Variants in PIK3CB observed in about 807,000 individuals in gnomAD.
PIK3CB encodes the protein phosphatidylinositol-4,5-bisphosphate 3-kinase catalytic subunit beta.
A neutral mutation model predicts 136.8 loss-of-function variants in PIK3CB; 39 were observed. The ratio of observed to expected loss-of-function variants is 0.29; its 90% CI spans 0.22 to 0.37. The LOEUF (loss-of-function observed/expected upper bound fraction) is 0.37. Ranked by LOEUF, PIK3CB falls within the 10% of genes least tolerant of loss-of-function variation. The pLI, the probability that PIK3CB is intolerant of heterozygous loss-of-function variation, is 1.00. For missense variants in PIK3CB, 868 were observed against 1,275.4 expected, an observed-to-expected ratio of 0.68 and a Z score of 4.87; for synonymous variants, 428 against 436.6, an observed-to-expected ratio of 0.98 and a Z score of 0.25.
intron 14 of PIK3CB, among the ~76,000 whole-genome samples, chr3:138,694,159 C>T (rs1326310621): frequency 2.6e-5 from 4 of 151,310 alleles, no homozygotes; most frequent in South Asian, 2.1e-4. Context: ...ATTCCCACCA[C>T]CCTCCCTAAT....
chr3:138,691,062 T>G lies in PIK3CB; in HGVS notation c.1974A>C (p.Arg658Ser). The stretch of plus-strand genomic sequence containing the variant: ...TACCAAGTGCTCTTTCTAATAGGAA[T>G]CTAGAGAGGGCACAATCAAGAAAAG... ...YEPFLDCALSRFLLERALGNR... is the reference protein window; with the variant it reads ...YEPFLDCALSSFLLERALGNR... The change falls in exon 15 of 24, where the codon AGA becomes AGC. Residue 658 changes from arginine to serine, a missense_variant. By Grantham distance (110) the Arg-to-Ser change is moderately radical. Around this residue, in one of 4 missense-constraint regions of PIK3CB, gnomAD observed 612 missense variants for 801.1 expected, o/e 0.76. Transcript: ENST00000674063. The G allele has an allele frequency of 6.2e-7, 1 of 1,611,754 alleles. No individual in the cohort carries two copies. The highest frequency in any genetic ancestry group is 8.5e-7 in the Non-Finnish European group (1 of 1,177,898).
At chr3:138,734,959 T>A (rs1345420125) in intron 6 of PIK3CB, among the ~76,000 whole-genome samples, 155 bp from the exon 7 acceptor site, 3 of 150,668 alleles carry the variant, frequency 2.0e-5, no homozygotes, top group Non-Finnish European at 4.4e-5. Context: ...AAAATTTTTT[T>A]TTTTTTTTTT....
At chr3:138,701,213 TAA>T (rs563918379) in intron 12 of PIK3CB, among the ~76,000 whole-genome samples, 1 of 135,850 alleles carries the variant, frequency 7.4e-6, no homozygotes, top group African/African-American at 2.7e-5. Context: ...CATTAAAGAT[TAA>T]AAAAAAAAAA....
chr3:138,708,499 G>T (rs887794687), intron 10 of PIK3CB, among the ~76,000 whole-genome samples: 1 of 151,594 alleles, frequency 6.6e-6, no homozygotes, highest in African/African-American at 2.4e-5. Context: ...GAGCTCAAGA[G>T]ATCCACCCAA....
intron 13 of PIK3CB, among the ~76,000 whole-genome samples, chr3:138,696,212 T>C (rs2044135128): frequency 6.6e-6 from 1 of 151,106 alleles, no homozygotes; most frequent in Admixed American, 6.6e-5. Context: ...AGATAGGGTC[T>C]CATTCTGTTG....
intron 8 of PIK3CB, among the ~76,000 whole-genome samples, chr3:138,717,453 C>A (rs1423259778): frequency 2.0e-5 from 3 of 151,824 alleles, no homozygotes; most frequent in Non-Finnish European, 4.4e-5. Flanking sequence ...ACCCTATATA[C>A]AGACATAACA....
chr3:138,747,088 A>G (rs1313032964), intron 4 of PIK3CB, among the ~76,000 whole-genome samples: 1 of 82,932 alleles, frequency 1.2e-5, no homozygotes, highest in Non-Finnish European at 2.4e-5. Context: ...ATATATATAT[A>G]TATATATATA....
chr3:138,736,465 C>G (rs1351554359), intron 6 of PIK3CB, among the ~76,000 whole-genome samples: 1 of 152,174 alleles, frequency 6.6e-6, no homozygotes, highest in Non-Finnish European at 1.5e-5. Context: ...CACAAAATAA[C>G]AAGACTTTCC....
intron 2 of PIK3CB, chr3:138,770,270 A>G (rs186947177): frequency 1.3e-5 from 2 of 152,356 alleles, no homozygotes; most frequent in African/African-American, 4.8e-5. Flanking sequence ...AAGGGGAAAG[A>G]GTTTAAAAGT....
chr3:138,755,863 T>C lies in PIK3CB; in HGVS notation c.288A>G (p.Thr96=). The change falls in exon 4 of 24, where the codon ACA becomes ACG. Residue 96 remains threonine (T), a synonymous_variant. Coordinates refer to ENST00000674063, the MANE Select transcript of PIK3CB (RefSeq NM_006219.3). ...TAVYEELEDE[T]RRLCDVRPFL... is the part of the protein sequence containing the mutation. ...AAGGTCTGACATCACAGAGTCTTCG[T>C]GTTTCATCTTCAAGCTCCTCATATA... 6.2e-7 allele frequency: 1 copy of C among 1,612,044 alleles called. No homozygotes were observed. Among genetic ancestry groups the C allele is most frequent in the Non-Finnish European group, 8.5e-7 (1 of 1,178,234 alleles).
At position 138,691,665 on chromosome 3, in the gene PIK3CB, C is replaced by T. The variant is rs185792014; in HGVS notation, c.1893-522G>A. ...TAATTTTAAGTTTTGTGAGGCCTCCCTAGCCATGTGGAACTGTGAGTCAAT... is the reference window on the plus strand; with the variant it reads ...TAATTTTAAGTTTTGTGAGGCCTCCTTAGCCATGTGGAACTGTGAGTCAAT... On this transcript the variant is annotated intron_variant, in intron 14 of 23. Transcript: ENST00000674063. 2.0e-5 allele frequency among the ~76,000 whole-genome samples: 3 copies of T among 152,272 alleles called. No homozygotes were observed. In the East Asian group the frequency reaches 5.8e-4, roughly 29 times the overall value.
chr3:138,785,333 A>T (rs1490223472), intron 2 of PIK3CB, among the ~76,000 whole-genome samples: 4 of 152,142 alleles, frequency 2.6e-5, no homozygotes, highest in Non-Finnish European at 5.9e-5. Context: ...CCAACAGCTC[A>T]TTGAGAACGG....
intron 2 of PIK3CB, among the ~76,000 whole-genome samples, chr3:138,767,157 G>C (rs2045742755): frequency 6.6e-6 from 1 of 152,090 alleles, no homozygotes; most frequent in African/African-American, 2.4e-5. Context: ...CTGGGTGACA[G>C]AGACTCTGTA....
chr3:138,745,979 G>A (rs1253618023), intron 4 of PIK3CB, among the ~76,000 whole-genome samples: 1 of 152,118 alleles, frequency 6.6e-6, no homozygotes, highest in African/African-American at 2.4e-5. Flanking sequence ...AGACAAGGCA[G>A]CTCACACCTA....
intron 19 of PIK3CB, among the ~76,000 whole-genome samples, chr3:138,672,570 A>G (rs2043555556): frequency 6.6e-6 from 1 of 152,254 alleles, no homozygotes; most frequent in Admixed American, 6.5e-5. Context: ...TCACGCAGAT[A>G]AATGAAAAAG....
intron 1 of PIK3CB, among the ~76,000 whole-genome samples, chr3:138,817,294 G>C: frequency 6.6e-6 from 1 of 151,870 alleles, no homozygotes. Context: ...AGCCGAGATC[G>C]TGCCACTGCA....
chr3:138,701,775 ACT>A (rs2044258390), intron 12 of PIK3CB, among the ~76,000 whole-genome samples: 1 of 142,136 alleles, frequency 7.0e-6, no homozygotes, highest in South Asian at 2.2e-4. Flanking sequence ...ACAGAGTGAG[ACT>A]CTGTCTCAAA....
At chr3:138,700,692 A>AAGATAGATAGATAGATAGACAGAT (rs1218565872) in intron 12 of PIK3CB, among the ~76,000 whole-genome samples, 30 of 143,876 alleles carry the variant, frequency 2.1e-4, no homozygotes, top group African/African-American at 7.7e-4. Context: ...TGACTCTAAA[A>AAGATAGATAGATAGATAGACAGAT]AGATAGATAG....
chr3:138,692,012 C>T (rs2044019290), intron 14 of PIK3CB, among the ~76,000 whole-genome samples: 2 of 152,220 alleles, frequency 1.3e-5, no homozygotes, highest in South Asian at 4.1e-4. Context: ...AAAGTGAATA[C>T]ATTTATAAGT....
Sources: gnomAD v4.1 joint callset for allele counts (sites outside exome capture counted in the v4.1 genomes callset) on GRCh38, gnomAD v4.1.1 for gene constraint, gnomAD v4.1.1 regional missense constraint, MANE v1.5 for transcripts, NCBI Gene and HGNC (gene_info 2026-07-23, HGNC 2026-07-21) for gene names.